ELMOD1: variants seen among roughly 807,000 people sequenced by gnomAD.
The protein encoded by ELMOD1 is ELMO domain containing 1, also known as ELMO domain-containing protein 1.
In ELMOD1, 21 loss-of-function variants were observed where a neutral mutation model predicts 46.7. The ratio of observed to expected loss-of-function variants is 0.45; its 90% CI spans 0.32 to 0.65. The LOEUF is 0.65. Ranked by LOEUF, ELMOD1 falls within the 30% of genes least tolerant of loss-of-function variation. ELMOD1 has a pLI of 0.04. For missense variants in ELMOD1, 348 were observed against 407.8 expected (o/e 0.85, Z 1.26); for synonymous variants, 122 against 138.2 (o/e 0.88, Z 0.82).
intron 6 of ELMOD1, among the ~76,000 whole-genome samples, chr11:107,637,617 C>G (rs1866251058): frequency 6.6e-6 from 1 of 151,888 alleles, no homozygotes; most frequent in South Asian, 2.1e-4. Context: ...TGCTTGAACC[C>G]AGGAGGCGGA....
At chr11:107,650,260 C>A in intron 7 of ELMOD1, 75 bp from the exon 8 acceptor site, 1 of 1,092,596 alleles carries the variant, frequency 9.2e-7, no homozygotes, top group Non-Finnish European at 1.4e-6. Context: ...AAAATGACCT[C>A]GAATTGGATT....
chr11:107,603,054 G>A (rs1420875134), intron 1 of ELMOD1, among the ~76,000 whole-genome samples: 1 of 152,200 alleles, frequency 6.6e-6, no homozygotes, highest in African/African-American at 2.4e-5. Context: ...CATTTACCAA[G>A]TAGATTTTCA....
intron 8 of ELMOD1, 24 bp downstream of exon 8, chr11:107,650,427 A>C (rs1315821448): frequency 6.6e-7 from 1 of 1,523,468 alleles, no homozygotes; most frequent in Non-Finnish European, 9.0e-7. Context: ...GTAAAAGATG[A>C]ATTAGGTTTT....
At chr11:107,646,918 C>CT (rs965965273) in intron 6 of ELMOD1, among the ~76,000 whole-genome samples, 2 of 151,736 alleles carry the variant, frequency 1.3e-5, no homozygotes, top group East Asian at 1.9e-4. Context: ...CACCAAAGAG[C>CT]TTTTTTGTGG....
rs542952196 is a variant in ELMOD1 at position 107,652,200 on chromosome 11, A to G, written c.647+1292A>G. Among the ~76,000 whole-genome samples, 6 of 152,330 alleles carry G rather than the reference A, an allele frequency of 3.9e-5. No homozygotes were observed. In the South Asian group the frequency reaches 1.2e-3, roughly 32 times the overall value. On this transcript the variant is annotated intron_variant, in intron 9 of 11. Coordinates refer to ENST00000265840, the MANE Select transcript of ELMOD1 (RefSeq NM_018712.4). ...TAAAAGTATATATGGATTGATTATG[A>G]TATCAACGTAGGTTCTGTCAAGCCC...
intron 2 of ELMOD1, among the ~76,000 whole-genome samples, chr11:107,625,924 C>A (rs1591117051): frequency 6.6e-6 from 1 of 152,238 alleles, no homozygotes; most frequent in East Asian, 1.9e-4. Flanking sequence ...TCTTAGGAAG[C>A]TACAGTAACT....
At position 107,634,066 on chromosome 11, in the gene ELMOD1, AT is replaced by A. The variant is rs141145443; in HGVS notation, c.291-1569del. Reference sequence around the variant, plus strand: ...GCATGTCATTTACCCCTAAAAAAAAATATGATGATGTACAGTGATTATAATG... The same window carrying A: ...GCATGTCATTTACCCCTAAAAAAAAAATGATGATGTACAGTGATTATAATG... On this transcript the variant is annotated intron_variant, in intron 5 of 11. Transcript: ENST00000265840. Among the ~76,000 whole-genome samples the A allele has an allele frequency of 9.2e-3, 1,408 of 152,264 alleles. 28 individuals are homozygous for A. The highest frequency in any genetic ancestry group is 0.033 in the African/African-American group (1,370 of 41,522).
chr11:107,635,168 T>A (rs1179615289), intron 5 of ELMOD1, among the ~76,000 whole-genome samples: 1 of 152,230 alleles, frequency 6.6e-6, no homozygotes, highest in Non-Finnish European at 1.5e-5. Context: ...TCCACACATC[T>A]TTCTAAGGTA....
intron 1 of ELMOD1, chr11:107,600,960 C>T (rs553659689): frequency 6.6e-6 from 1 of 151,880 alleles, no homozygotes; most frequent in Admixed American, 6.6e-5. Context: ...TCCATGTGGG[C>T]TAAAATCACA....
intron 2 of ELMOD1, 58 bp downstream of exon 2, chr11:107,618,264 G>C: frequency 6.5e-7 from 1 of 1,529,374 alleles, no homozygotes; most frequent in Non-Finnish European, 8.9e-7. Flanking sequence ...CTCCTCACTG[G>C]TTAGGGTAAT....
chr11:107,633,807 C>T (rs2135691862), intron 5 of ELMOD1, among the ~76,000 whole-genome samples: 1 of 152,224 alleles, frequency 6.6e-6, no homozygotes, highest in South Asian at 2.1e-4. Flanking sequence ...AAAATTAACG[C>T]TATTCTCCAT....
Position 107,635,678 on chromosome 11 carries a change from G to A in ELMOD1, c.333G>A (p.Gly111=). The change falls in exon 6 of 12, where the codon GGG becomes GGA. Residue 111 remains glycine (G), a synonymous_variant. Coordinates refer to ENST00000265840, the MANE Select transcript of ELMOD1 (RefSeq NM_018712.4). ...AGGCTTGCCTTCTGCAAATCGTTGG[G>A]TACAGGAACCTTATTGCAGATGTGG... ...SLQACLLQIV[G]YRNLIADVEK... 1 of 1,613,854 alleles carries A rather than the reference G, an allele frequency of 6.2e-7. No individual in the cohort carries two copies. Among genetic ancestry groups the A allele is most frequent in the Non-Finnish European group, 8.5e-7 (1 of 1,179,822 alleles).
Position 107,628,039 on chromosome 11 carries a change from TATC to T in ELMOD1, c.18-2375_18-2373del, listed in dbSNP as rs533599046. Among the ~76,000 whole-genome samples the T allele has an allele frequency of 1.8e-4, 27 of 152,184 alleles. No homozygotes were observed. The South Asian group carries it at 5.0e-3, about 28-fold the overall frequency. On this transcript the variant is annotated intron_variant, in intron 2 of 11. Coordinates refer to ENST00000265840, the MANE Select transcript of ELMOD1 (RefSeq NM_018712.4). ...TATACATATATATCCCAGTAATTAATATCATTACCATTTTGCTGGGGACCAGTT... is the reference window on the plus strand; with the variant it reads ...TATACATATATATCCCAGTAATTAATATTACCATTTTGCTGGGGACCAGTT...
At chr11:107,633,177 G>A (rs1866169676) in intron 5 of ELMOD1, among the ~76,000 whole-genome samples, 1 of 152,032 alleles carries the variant, frequency 6.6e-6, no homozygotes, top group East Asian at 1.9e-4. Flanking sequence ...GTCAGATAAG[G>A]GTTACTCAAC....
chr11:107,628,366 C>T (rs1866079559), intron 2 of ELMOD1, among the ~76,000 whole-genome samples: 1 of 152,110 alleles, frequency 6.6e-6, no homozygotes, highest in Non-Finnish European at 1.5e-5. Context: ...GGGGTTTCAC[C>T]ATATTGGCTG....
intron 6 of ELMOD1, among the ~76,000 whole-genome samples, chr11:107,641,497 A>C (rs1866322943): frequency 1.3e-5 from 2 of 152,190 alleles, no homozygotes; most frequent in South Asian, 4.1e-4. Flanking sequence ...ATACAAATAT[A>C]AACAGGCATA....
intron 1 of ELMOD1, among the ~76,000 whole-genome samples, chr11:107,615,513 G>C (rs1168606238): frequency 6.6e-6 from 1 of 151,960 alleles, no homozygotes; most frequent in African/African-American, 2.4e-5. Context: ...GATTACAGGC[G>C]TGAGCCACCA....
intron 2 of ELMOD1, chr11:107,625,397 GATTTCTTCA>G (rs1866023877): frequency 2.0e-6 from 2 of 982,200 alleles, no homozygotes; most frequent in African/African-American, 1.8e-5. Context: ...TTTATTACAG[GATTTCTTCA>G]AGCAAGAATT....
At position 107,641,939 on chromosome 11, in the gene ELMOD1, CTT is replaced by C. The variant is rs34475862; in HGVS notation, c.421-5506_421-5505del. Among the ~76,000 whole-genome samples, 453 of 100,462 alleles carry C rather than the reference CTT, an allele frequency of 4.5e-3. 1 individual carries two copies. Among genetic ancestry groups the C allele is most frequent in the Middle Eastern group, 0.016 (3 of 190 alleles). 65.9% of individuals were successfully genotyped at this position (100,462 alleles called of 152,430 possible). A position where few individuals can be genotyped will look rare whatever the true frequency, so the allele number is the denominator to read the frequency against. On this transcript the variant is annotated intron_variant, in intron 6 of 11. Coordinates refer to ENST00000265840, the MANE Select transcript of ELMOD1 (RefSeq NM_018712.4). ...AGTAAATGGATTGTATGAGCTTACT[CTT>C]TTTTTTTTTTTTTTTTTTTTTTAGA...
Sources: allele counts gnomAD v4.1 joint callset (sites outside exome capture counted in the v4.1 genomes callset), GRCh38; gene constraint gnomAD v4.1.1; transcripts MANE v1.5; gene names NCBI Gene and HGNC (gene_info 2026-07-23, HGNC 2026-07-21).